The following BCL6 variants were observed in gnomAD, a reference collection of about 807,000 sequenced individuals.
The protein encoded by BCL6 is BCL6 transcription repressor.
A neutral mutation model predicts 59.5 loss-of-function variants in BCL6; 7 were observed. The ratio of observed to expected loss-of-function variants is 0.12; its 90% confidence interval spans 0.07 to 0.22. BCL6 has a LOEUF of 0.22. BCL6 is among the 10% of genes least tolerant of loss of function. The pLI is 1.00. For missense variants in BCL6, 685 were observed against 939.4 expected (o/e 0.73, Z 3.54); for synonymous variants, 339 against 349.7 (o/e 0.97, Z 0.34).
In BCL6 at chr3:187,722,309, GAC is replaced by G; in HGVS notation, c.*147_*148del. ...TGCGGCTCCCAGTCCCCCAGGCCCCGACCCCCACCACCCCCAACCCCCAGCTA... is the reference window on the plus strand; with the variant it reads ...TGCGGCTCCCAGTCCCCCAGGCCCCGCCCCACCACCCCCAACCCCCAGCTA... On this transcript the variant is annotated 3_prime_UTR_variant, in exon 10 of 10. Transcript: ENST00000406870. 1 of 68,666 alleles carries G rather than the reference GAC, an allele frequency of 1.5e-5. No homozygotes were observed. The highest frequency in any genetic ancestry group is 2.7e-5 in the Non-Finnish European group (1 of 37,332). The allele number at this position is 68,666 out of a possible 1,614,324, so 4.3% of individuals were successfully genotyped here.
At position 187,728,409 on chromosome 3, in the gene BCL6, G is replaced by T; in HGVS notation, c.1491C>A (p.Phe497Leu). 1 of 1,610,574 alleles carries T rather than the reference G, an allele frequency of 6.2e-7. No homozygotes were observed. The highest frequency in any genetic ancestry group is 8.5e-7 in the Non-Finnish European group (1 of 1,178,558). Reference sequence around the variant, plus strand: ...ACTGGGTCTCTCCCATCTCCTCAGGGAACGTGGGGCCAGCGGTGTGGAGGC... The same window carrying T: ...ACTGGGTCTCTCCCATCTCCTCAGGTAACGTGGGGCCAGCGGTGTGGAGGC... ...EMCLHTAGPT[F>L]PEEMGETQSE... Residue 497 changes from phenylalanine to leucine, a missense_variant, in exon 6 of 10, where the codon TTC becomes TTA. Coordinates refer to ENST00000406870, the MANE Select transcript of BCL6 (RefSeq NM_001706.5).
chr3:187,744,771 G>C (rs1711818457), intron 1 of BCL6, among the ~76,000 whole-genome samples: 1 of 152,004 alleles, frequency 6.6e-6, no homozygotes, highest in East Asian at 1.9e-4. Flanking sequence ...AAGAGGCGAG[G>C]AAAAAGAGGA....
chr3:187,723,654 CAAAT>C (rs1327603565), intron 9 of BCL6, among the ~76,000 whole-genome samples: 2 of 152,056 alleles, frequency 1.3e-5, no homozygotes, highest in Non-Finnish European at 2.9e-5. Context: ...TAGATGAAGA[CAAAT>C]AAAAAATGAG....
intron 1 of BCL6, among the ~76,000 whole-genome samples, chr3:187,739,388 G>A (rs61732637): frequency 0.014 from 2,167 of 152,292 alleles, 51 homozygotes; most frequent in African/African-American, 0.049. Context: ...AGGTCAAATC[G>A]CGGAGCTGTT....
intron 5 of BCL6, 151 bp from the exon 6 acceptor site, chr3:187,728,695 C>G (rs935241231): frequency 1.2e-6 from 1 of 807,704 alleles, no homozygotes. Flanking sequence ...TATCTCCAAA[C>G]AGTATCTGCA....
intron 3 of BCL6, chr3:187,732,513 C>T (rs1719096544): frequency 5.0e-6 from 1 of 199,170 alleles, no homozygotes; most frequent in South Asian, 6.0e-5. Context: ...AGGTGCCATG[C>T]TGTCTGGTGG....
chr3:187,725,397 GC>G lies in BCL6; in HGVS notation c.1839+101del. On this transcript the variant is annotated intron_variant, in intron 8 of 9. Transcript: ENST00000406870. The surrounding 1 kb of genome is among the most constrained non-coding windows in gnomAD (Gnocchi z 4.7). ...ACCTGCCCGCTCCGCTTGCCTGCCC[GC>G]TCCACTTGCCTGCCCACTCCTCCGC... 1.3e-6 allele frequency: 2 copies of G among 1,539,738 alleles called. No individual in the cohort carries two copies. Among genetic ancestry groups the G allele is most frequent in the Non-Finnish European group, 1.8e-6 (2 of 1,142,776 alleles).
chr3:187,741,572 C>G (rs1008231717), intron 1 of BCL6, among the ~76,000 whole-genome samples: 3 of 152,024 alleles, frequency 2.0e-5, no homozygotes, highest in African/African-American at 7.2e-5. Flanking sequence ...TGGGAGGGGC[C>G]GTTCCTGGTT....
In BCL6 at chr3:187,729,811, G is replaced by A. The variant is rs1347130242; in HGVS notation, c.594C>T (p.Tyr198=). The change falls in exon 5 of 10, where the codon TAC becomes TAT. Residue 198 remains tyrosine (Y), a synonymous_variant. Coordinates refer to ENST00000406870, the MANE Select transcript of BCL6 (RefSeq NM_001706.5). The surrounding 1 kb of genome is among the most constrained non-coding windows in gnomAD (Gnocchi z 5.6). ...LSTPPASYSM[Y]SHLPVSSLLF... is the part of the protein sequence containing the mutation. ...GGAGGCTGCTGACAGGGAGGTGGCT[G>A]TACATGGAATAAGAGGCTGGCGGTG... 2 of 1,614,096 alleles carry A rather than the reference G, an allele frequency of 1.2e-6. No homozygotes were observed. Among genetic ancestry groups the A allele is most frequent in the Non-Finnish European group, 8.5e-7 (1 of 1,180,004 alleles).
chr3:187,728,945 C>A, intron 5 of BCL6, 105 bp downstream of exon 5: 2 of 1,423,096 alleles, frequency 1.4e-6, no homozygotes, highest in South Asian at 1.6e-5. Flanking sequence ...GGCACTGATT[C>A]CACACCTCTA....
chr3:187,737,607 G>A (rs2108476401), intron 1 of BCL6: 1 of 152,710 alleles, frequency 6.5e-6, no homozygotes, highest in Non-Finnish European at 1.5e-5. Context: ...CTGTCTTCCA[G>A]GGACTGCCCG....
Position 187,722,304 on chromosome 3 carries a change from G to GGCCCCACCCCCC in BCL6, c.*153_*154insGGGGGGTGGGGC. Reference sequence around the variant, plus strand: ...GCTGCTGCGGCTCCCAGTCCCCCAGGCCCCGACCCCCACCACCCCCAACCC... The same window carrying GGCCCCACCCCCC: ...GCTGCTGCGGCTCCCAGTCCCCCAGGGCCCCACCCCCCCCCCGACCCCCACCACCCCCAACCC... On this transcript the variant is annotated 3_prime_UTR_variant, in exon 10 of 10. Transcript: ENST00000406870. 1 of 309,306 alleles carries GGCCCCACCCCCC rather than the reference G, an allele frequency of 3.2e-6. No individual in the cohort carries two copies. The highest frequency in any genetic ancestry group is 2.2e-5 in the African/African-American group (1 of 44,640). 19.2% of individuals were successfully genotyped at this position (309,306 alleles called of 1,614,324 possible). A position where few individuals can be genotyped will look rare whatever the true frequency, so the allele number is the denominator to read the frequency against.
intron 1 of BCL6, among the ~76,000 whole-genome samples, chr3:187,740,308 G>A (rs1711538533): frequency 6.6e-6 from 1 of 151,852 alleles, no homozygotes; most frequent in South Asian, 2.1e-4. Flanking sequence ...TTTCAGAATC[G>A]AGGCTCGCCC....
intron 3 of BCL6, 113 bp from the exon 4 acceptor site, chr3:187,732,043 G>A: frequency 1.2e-6 from 1 of 830,578 alleles, no homozygotes; most frequent in Non-Finnish European, 1.9e-6. Context: ...AACTTCTACG[G>A]TAATTAATAA....
At chr3:187,745,212 G>T in intron 1 of BCL6, among the ~76,000 whole-genome samples, 198 bp downstream of exon 1, 1 of 151,906 alleles carries the variant, frequency 6.6e-6, no homozygotes, top group East Asian at 1.9e-4. Flanking sequence ...CTGACAGCTA[G>T]AATAAATAAA....
chr3:187,744,579 A>G (rs1427937824), intron 1 of BCL6, among the ~76,000 whole-genome samples: 1 of 152,236 alleles, frequency 6.6e-6, no homozygotes, highest in Admixed American at 6.5e-5. Context: ...TATGACCAAA[A>G]AAACAAAAAC....
In BCL6 at chr3:187,729,344, C is replaced by T. The variant is rs1258718328; in HGVS notation, c.1061G>A (p.Cys354Tyr). Residue 354 changes from cysteine (C) to tyrosine (Y), a missense_variant, in exon 5 of 10, where the codon TGC becomes TAC. Physicochemically the swap from Cys to Tyr is radical, Grantham distance 194. This residue lies in a region of BCL6 where 28 missense variants were observed against 66.4 expected (regional missense o/e 0.42). Coordinates refer to ENST00000406870, the MANE Select transcript of BCL6 (RefSeq NM_001706.5). This position sits in a 1 kb window ranked among gnomAD's most constrained non-coding sequence, Gnocchi z 5.6. ...PTESCSSKNA[C>Y]ILQASGSPPA... ...AGGGGAGCCAGAAGCCTGGAGGATGCAGGCATTCTTACTGCTGCAGGACTC... is the reference window on the plus strand; with the variant it reads ...AGGGGAGCCAGAAGCCTGGAGGATGTAGGCATTCTTACTGCTGCAGGACTC... 6.2e-7 allele frequency: 1 copy of T among 1,614,018 alleles called. No homozygotes were observed. The highest frequency in any genetic ancestry group is 1.1e-5 in the South Asian group (1 of 91,078).
Position 187,725,142 on chromosome 3 carries a change from C to T in BCL6, c.1840-64G>A. 1.9e-6 allele frequency: 3 copies of T among 1,601,396 alleles called. No individual in the cohort carries two copies. ...GGCTGCAGGCCTCTGGGCAGCCCCT[C>T]ATTAGCACACAGCCAGTGAGTGGGC... On this transcript the variant is annotated intron_variant, in intron 8 of 9. Coordinates refer to ENST00000406870, the MANE Select transcript of BCL6 (RefSeq NM_001706.5). This position sits in a 1 kb window ranked among gnomAD's most constrained non-coding sequence, Gnocchi z 4.7.
chr3:187,725,535 G>A lies in BCL6; in HGVS notation c.1803C>T (p.Pro601=). 2 of 1,614,196 alleles carry A rather than the reference G, an allele frequency of 1.2e-6. No individual in the cohort carries two copies. The highest frequency in any genetic ancestry group is 1.7e-6 in the Non-Finnish European group (2 of 1,180,016). ...THTRIHSGEK[P]YKCETCGARF... ...TGGCTCCGCAGGTTTCGCATTTGTA[G>A]GGCTTCTCTCCAGAGTGAATTCGAG... The change falls in exon 8 of 10, where the codon CCC becomes CCT. Residue 601 remains proline, a synonymous_variant. Coordinates refer to ENST00000406870, the MANE Select transcript of BCL6 (RefSeq NM_001706.5). This position sits in a 1 kb window ranked among gnomAD's most constrained non-coding sequence, Gnocchi z 4.7.
Sources: gnomAD v4.1 joint callset for allele counts (sites outside exome capture counted in the v4.1 genomes callset) on GRCh38, gnomAD v4.1.1 for gene constraint, gnomAD v4.1.1 regional missense constraint, Gnocchi (gnomAD v3.1) non-coding constraint, MANE v1.5 for transcripts, NCBI Gene and HGNC (gene_info 2026-07-23, HGNC 2026-07-21) for gene names.